FHIT: variants seen among roughly 807,000 people sequenced by gnomAD.
FHIT encodes bis(5'-adenosyl)-triphosphatase.
Under a neutral mutation model 17.9 loss-of-function variants are expected in FHIT, and 19 were observed. The observed-to-expected ratio is 1.06, with a 90% CI of 0.74 to 1.56. The LOEUF (loss-of-function observed/expected upper bound fraction) is 1.56. FHIT is among the 40% of genes most tolerant of loss of function. The pLI, the probability that FHIT is intolerant of heterozygous loss-of-function variation, is 0.00. For missense variants in FHIT, 248 were observed against 189.2 expected, an observed-to-expected ratio of 1.31 and a Z score of -1.82; for synonymous variants, 81 against 69.7, an observed-to-expected ratio of 1.16 and a Z score of -0.81.
intron 2 of FHIT, among the ~76,000 whole-genome samples, chr3:61,106,578 A>G (rs1431461088): frequency 1.3e-5 from 2 of 152,212 alleles, no homozygotes; most frequent in Non-Finnish European, 2.9e-5. Flanking sequence ...TTTATCAGGT[A>G]CAACATATTT....
intron 4 of FHIT, among the ~76,000 whole-genome samples, chr3:60,567,456 C>A (rs2037180320): frequency 6.6e-6 from 1 of 152,152 alleles, no homozygotes; most frequent in African/African-American, 2.4e-5. Flanking sequence ...AAAATTAATT[C>A]AAGATGGATT....
At chr3:59,966,150 C>A (rs1248610876) in intron 7 of FHIT, among the ~76,000 whole-genome samples, 4 of 152,180 alleles carry the variant, frequency 2.6e-5, no homozygotes, top group South Asian at 4.1e-4. Flanking sequence ...GGTATTCTAA[C>A]AAAGCAGAGG....
intron 4 of FHIT, among the ~76,000 whole-genome samples, chr3:60,550,235 G>A (rs933689808): frequency 2.0e-5 from 3 of 152,162 alleles, no homozygotes; most frequent in African/African-American, 7.2e-5. Flanking sequence ...TAAATGAATG[G>A]TTGGAGACAT....
chr3:61,224,798 CAAT>C (rs1222051847), intron 1 of FHIT, among the ~76,000 whole-genome samples: 2 of 152,048 alleles, frequency 1.3e-5, no homozygotes, highest in African/African-American at 4.8e-5. Context: ...AATTTAGAAT[CAAT>C]AATGTGTCAC....
chr3:60,295,481 C>A (rs1708165893), intron 5 of FHIT, among the ~76,000 whole-genome samples: 2 of 151,898 alleles, frequency 1.3e-5, no homozygotes, highest in Admixed American at 1.3e-4. Context: ...GGTAAAGGTG[C>A]CAGGTAGTTT....
chr3:60,696,059 T>C lies in FHIT; in HGVS notation c.-18+125860A>G, dbSNP rs191117532. Among the ~76,000 whole-genome samples, 15 of 152,216 alleles carry C rather than the reference T, an allele frequency of 9.9e-5. No individual in the cohort carries two copies. In the East Asian group the frequency reaches 2.7e-3, roughly 27 times the overall value. ...AAGTAATTCTAGCTCTTTTACATATTTAACTTTCAAGCAAGATTTTCTTTG... is the reference window on the plus strand; with the variant it reads ...AAGTAATTCTAGCTCTTTTACATATCTAACTTTCAAGCAAGATTTTCTTTG... On this transcript the variant is annotated intron_variant, in intron 4 of 9. Transcript: ENST00000492590.
chr3:60,739,189 C>G (rs1439422845), intron 4 of FHIT, among the ~76,000 whole-genome samples: 1 of 152,230 alleles, frequency 6.6e-6, no homozygotes, highest in Non-Finnish European at 1.5e-5. Flanking sequence ...ATGCATCCTT[C>G]AAGCCTGTGT....
intron 5 of FHIT, among the ~76,000 whole-genome samples, chr3:60,297,571 A>C (rs1263474811): frequency 7.4e-6 from 1 of 135,098 alleles, no homozygotes; most frequent in Admixed American, 8.1e-5. Flanking sequence ...CAAGGAAGTC[A>C]CCTGCAAAAA....
At chr3:60,253,822 CCTT>C (rs1456975341) in intron 5 of FHIT, among the ~76,000 whole-genome samples, 1 of 152,184 alleles carries the variant, frequency 6.6e-6, no homozygotes, top group Non-Finnish European at 1.5e-5. Flanking sequence ...AACGTGGTAT[CCTT>C]CTCCAGAATG....
intron 3 of FHIT, among the ~76,000 whole-genome samples, chr3:60,995,531 C>T (rs1395599584): frequency 6.6e-6 from 1 of 152,070 alleles, no homozygotes; most frequent in Non-Finnish European, 1.5e-5. Context: ...ACAGTTGCTG[C>T]GACTACAGGT....
intron 4 of FHIT, among the ~76,000 whole-genome samples, chr3:60,655,083 T>C (rs569117051): frequency 2.6e-5 from 4 of 152,272 alleles, no homozygotes; most frequent in South Asian, 4.1e-4. Context: ...GTGAAAAGTT[T>C]AGTGTAAGTT....
At chr3:60,290,870 C>G (rs1707951969) in intron 5 of FHIT, among the ~76,000 whole-genome samples, 1 of 152,120 alleles carries the variant, frequency 6.6e-6, no homozygotes, top group African/African-American at 2.4e-5. Flanking sequence ...ACAAAGGTGG[C>G]TGTGCCAAGA....
chr3:61,176,900 G>A (rs1425516314), intron 2 of FHIT, among the ~76,000 whole-genome samples: 1 of 152,204 alleles, frequency 6.6e-6, no homozygotes, highest in African/African-American at 2.4e-5. Context: ...AACCGGCCGG[G>A]CGTGGTGGCT....
intron 1 of FHIT, among the ~76,000 whole-genome samples, chr3:61,239,759 GGCC>G (rs1326003342): frequency 9.0e-5 from 2 of 22,308 alleles, no homozygotes; most frequent in South Asian, 1.9e-3. Context: ...AAAAACAACT[GGCC>G]ATATATATAT....
intron 5 of FHIT, among the ~76,000 whole-genome samples, chr3:60,105,951 T>C (rs1461211788): frequency 6.6e-6 from 1 of 152,198 alleles, no homozygotes; most frequent in East Asian, 1.9e-4. Flanking sequence ...TGGTTAACCA[T>C]GGTCCAAAAA....
intron 8 of FHIT, among the ~76,000 whole-genome samples, chr3:59,787,526 A>ACACACACACACT (rs1205518012): frequency 2.2e-5 from 3 of 135,250 alleles, no homozygotes; most frequent in African/African-American, 2.8e-5. Flanking sequence ...ACACACACAC[A>ACACACACACACT]CACGTCAAAG....
chr3:60,459,183 G>A (rs977694111), intron 5 of FHIT, among the ~76,000 whole-genome samples: 1 of 152,134 alleles, frequency 6.6e-6, no homozygotes, highest in Non-Finnish European at 1.5e-5. Flanking sequence ...TTACATTAAT[G>A]TTTAAAATAC....
intron 5 of FHIT, among the ~76,000 whole-genome samples, chr3:60,399,701 A>G (rs1395219150): frequency 6.6e-6 from 1 of 152,178 alleles, no homozygotes; most frequent in African/African-American, 2.4e-5. Flanking sequence ...CTAGACTATA[A>G]TAAACAAAAA....
intron 2 of FHIT, among the ~76,000 whole-genome samples, chr3:61,099,888 T>C (rs1450858002): frequency 6.6e-6 from 1 of 152,100 alleles, no homozygotes; most frequent in Non-Finnish European, 1.5e-5. Context: ...TTGATCTTTT[T>C]TTATCCAAGT....
Sources: gnomAD v4.1 joint callset for allele counts (sites outside exome capture counted in the v4.1 genomes callset) on GRCh38, gnomAD v4.1.1 for gene constraint, MANE v1.5 for transcripts, NCBI Gene and HGNC (gene_info 2026-07-23, HGNC 2026-07-21) for gene names.